TCF4: variants seen among roughly 807,000 people sequenced by gnomAD.
TCF4 encodes the protein transcription factor 4, also known as SL3-3 enhancer factor 2.
Under a neutral mutation model 82.1 loss-of-function variants are expected in TCF4, and 3 were observed. That is an observed-to-expected ratio of 0.04 (90% confidence interval 0.02 to 0.09). TCF4 has a LOEUF of 0.09. Ranked by LOEUF, TCF4 falls within the 10% of genes least tolerant of loss-of-function variation. TCF4 has a pLI of 1.00. For synonymous variants in TCF4, 276 were observed against 309.6 expected, an observed-to-expected ratio of 0.89 and a Z score of 1.14; for missense variants, 518 against 852.7, an observed-to-expected ratio of 0.61 and a Z score of 4.89.
At chr18:55,417,588 T>C (rs1407201476) in intron 5 of TCF4, among the ~76,000 whole-genome samples, 3 of 152,182 alleles carry the variant, frequency 2.0e-5, no homozygotes, top group Non-Finnish European at 4.4e-5. Context: ...TCTCTCCTCC[T>C]AGCATGGCAC....
At chr18:55,620,852 C>T (rs990039978) in intron 2 of TCF4, among the ~76,000 whole-genome samples, 3 of 148,026 alleles carry the variant, frequency 2.0e-5, no homozygotes, top group African/African-American at 7.5e-5. Context: ...AGTCCATACT[C>T]TTCATCTTGG....
At chr18:55,404,387 C>G in intron 5 of TCF4, 1 of 152,502 alleles carries the variant, frequency 6.6e-6, no homozygotes, top group East Asian at 1.9e-4. Context: ...TGTGGAGAAT[C>G]ATTGTAGAAA....
At chr18:55,243,143 C>A (rs1313734911) in intron 15 of TCF4, among the ~76,000 whole-genome samples, 1 of 152,202 alleles carries the variant, frequency 6.6e-6, no homozygotes, top group African/African-American at 2.4e-5. Context: ...CTTAACACAA[C>A]TAAATAATAT....
At chr18:55,497,080 T>C (rs914808315) in intron 3 of TCF4, among the ~76,000 whole-genome samples, 1 of 152,136 alleles carries the variant, frequency 6.6e-6, no homozygotes, top group Non-Finnish European at 1.5e-5. Flanking sequence ...GGTGTGTTAG[T>C]GATGAAGGAA....
chr18:55,310,638 A>G (rs1286953818), intron 8 of TCF4, among the ~76,000 whole-genome samples: 1 of 152,228 alleles, frequency 6.6e-6, no homozygotes, highest in African/African-American at 2.4e-5. Flanking sequence ...GTGAGGAGGT[A>G]AAGGAGTTGC....
At chr18:55,515,348 C>G (rs2096871078) in intron 3 of TCF4, among the ~76,000 whole-genome samples, 1 of 152,148 alleles carries the variant, frequency 6.6e-6, no homozygotes, top group Admixed American at 6.6e-5. Flanking sequence ...ATGTTCTGGT[C>G]ACTGAACTAC....
chr18:55,465,474 A>G (rs2095994037), intron 3 of TCF4, among the ~76,000 whole-genome samples: 1 of 151,972 alleles, frequency 6.6e-6, no homozygotes, highest in South Asian at 2.1e-4. Context: ...GCTTCAGCAG[A>G]TAACACAAAC....
intron 3 of TCF4, among the ~76,000 whole-genome samples, chr18:55,480,296 A>AAAAAGGG (rs1568175293): frequency 1.6e-5 from 1 of 63,352 alleles, no homozygotes; most frequent in Non-Finnish European, 3.0e-5. Context: ...AAAAAAAAAA[A>AAAAAGGG]GCGGGGGGGC....
intron 2 of TCF4, among the ~76,000 whole-genome samples, chr18:55,628,225 C>A (rs556261981): frequency 1.1e-3 from 165 of 152,232 alleles, no homozygotes; most frequent in African/African-American, 3.3e-3. Context: ...ACTAGCAAAA[C>A]TTCTCTAGGA....
rs553626781 is a variant in TCF4, at chr18:55,391,824, A to G, written c.369+11630T>C. ...CAGGTGGCACACGCCTGTAATCCCA[A>G]CTACTCGGGAGGGTGAAACAGGAGC... On this transcript the variant is annotated intron_variant, in intron 6 of 19. Transcript: ENST00000354452. Among the ~76,000 whole-genome samples the G allele has an allele frequency of 5.3e-5, 8 of 150,778 alleles. No homozygotes were observed. In the East Asian group the frequency reaches 1.6e-3, roughly 30 times the overall value.
intron 3 of TCF4, among the ~76,000 whole-genome samples, chr18:55,529,819 C>A (rs1403331651): frequency 6.6e-6 from 1 of 152,080 alleles, no homozygotes; most frequent in Non-Finnish European, 1.5e-5. Context: ...GAGGAGGACA[C>A]CAACATTTTA....
At chr18:55,276,108 G>T (rs2061458075) in intron 9 of TCF4, among the ~76,000 whole-genome samples, 1 of 152,064 alleles carries the variant, frequency 6.6e-6, no homozygotes, top group South Asian at 2.1e-4. Flanking sequence ...AAGTTAAATT[G>T]TTCCTAAACT....
intron 5 of TCF4, chr18:55,452,655 G>C (rs2144433258): frequency 6.6e-6 from 1 of 152,574 alleles, no homozygotes; most frequent in Middle Eastern, 3.4e-3. Context: ...GCCCTGGACA[G>C]GCTGGCAGAA....
intron 2 of TCF4, among the ~76,000 whole-genome samples, chr18:55,601,263 A>G (rs2097696611): frequency 6.6e-6 from 1 of 152,288 alleles, no homozygotes; most frequent in African/African-American, 2.4e-5. Flanking sequence ...TCTACAGTGG[A>G]GTATTGTATA....
chr18:55,588,654 G>A, upstream of TCF4: 1 of 1,339,936 alleles, frequency 7.5e-7, no homozygotes, highest in Non-Finnish European at 9.6e-7. Context: ...ATACTAGGCT[G>A]CAAATACACG....
chr18:55,265,906 C>T (rs138912104), intron 11 of TCF4: 10 of 152,252 alleles, frequency 6.6e-5, no homozygotes, highest in South Asian at 2.1e-4. Context: ...GGTTTAAAAA[C>T]GTGGAAAAGA....
intron 3 of TCF4, among the ~76,000 whole-genome samples, chr18:55,539,884 A>G (rs1326784186): frequency 1.3e-5 from 2 of 152,188 alleles, no homozygotes; most frequent in African/African-American, 4.8e-5. Context: ...AAAACAGATC[A>G]GAATAAATTA....
intron 5 of TCF4, among the ~76,000 whole-genome samples, chr18:55,452,188 AT>A (rs1402261206): frequency 6.6e-6 from 1 of 152,058 alleles, no homozygotes; most frequent in Non-Finnish European, 1.5e-5. Flanking sequence ...AGACTGTTCA[AT>A]AGGGTTGGGA....
Position 55,234,615 on chromosome 18 carries a change from C to A in TCF4, c.1419G>T (p.Pro473=), listed in dbSNP as rs143944746. Residue 473 remains proline (P), a synonymous_variant, in exon 16 of 20, where the codon CCG becomes CCT. Coordinates refer to ENST00000354452, the MANE Select transcript of TCF4 (RefSeq NM_001083962.2). ...CAGACTGGACAGGAAGCTGTGGAAC[C>A]GGAACCTGGTTTGGCAGAAGAGAAT... The part of the protein sequence containing the change: ...GSHSLLPNQV[P]VPQLPVQSAT... 3.1e-6 allele frequency: 5 copies of A among 1,613,950 alleles called. No homozygotes were observed. In the Admixed American group the frequency reaches 5.0e-5, roughly 16 times the overall value.
Sources: gnomAD v4.1 joint callset for allele counts (sites outside exome capture counted in the v4.1 genomes callset) on GRCh38, gnomAD v4.1.1 for gene constraint, MANE v1.5 for transcripts, NCBI Gene and HGNC (gene_info 2026-07-23, HGNC 2026-07-21) for gene names.